Variants in CSMD1 observed in about 807,000 individuals in gnomAD.
CSMD1 encodes CUB and sushi domain-containing protein 1.
In CSMD1, 213 loss-of-function variants were observed where a neutral mutation model predicts 417.5. The observed-to-expected ratio is 0.51, with a 90% CI of 0.46 to 0.57. The LOEUF (loss-of-function observed/expected upper bound fraction) is 0.57. Among genes scored for constraint, CSMD1 ranks in the 20% least tolerant of loss-of-function variants. The probability of loss-of-function intolerance (pLI) is 0.00; values close to 1 mark genes in which losing one functional copy is unlikely to be tolerated. For synonymous variants in CSMD1, 2,862 were observed against 1,736.8 expected (o/e 1.65, Z -16.11); for missense variants, 6,923 against 4,529.7 (o/e 1.53, Z -15.17).
At chr8:3,422,434 G>T (rs547008881) in intron 12 of CSMD1, among the ~76,000 whole-genome samples, 9 of 152,082 alleles carry the variant, frequency 5.9e-5, no homozygotes, top group Admixed American at 2.6e-4. Flanking sequence ...AATGCCTATT[G>T]AAAGAATCTT....
In CSMD1 at chr8:4,638,565, G is replaced by C. The variant is rs948263888; in HGVS notation, c.86-1007C>G. Among the ~76,000 whole-genome samples the C allele has an allele frequency of 2.0e-5, 3 of 152,284 alleles. No homozygotes were observed. The East Asian group carries it at 5.8e-4, about 29-fold the overall frequency. ...TCACACAGGCAGGACTTAGGAGGTG[G>C]AGCAGAAAGGAAGGTGTACCACAAA... On this transcript the variant is annotated intron_variant, in intron 1 of 69. Coordinates refer to ENST00000635120, the MANE Select transcript of CSMD1 (RefSeq NM_033225.6).
Position 3,493,833 on chromosome 8 carries a change from C to T in CSMD1, c.1345-107G>A, listed in dbSNP as rs866538582. On this transcript the variant is annotated intron_variant, in intron 10 of 69. Coordinates refer to ENST00000635120, the MANE Select transcript of CSMD1 (RefSeq NM_033225.6). Reference sequence around the variant, plus strand: ...TACTGTTAAATTTTGCTCCTTAATGCCAATGTCAAATGATCCCAGAGCTGC... The same window carrying T: ...TACTGTTAAATTTTGCTCCTTAATGTCAATGTCAAATGATCCCAGAGCTGC... 32 of 802,208 alleles carry T rather than the reference C, an allele frequency of 4.0e-5. No individual in the cohort carries two copies. The Middle Eastern group carries it at 2.3e-3, about 58-fold the overall frequency. The allele number at this position is 802,208 out of a possible 1,614,324, so 49.7% of individuals were successfully genotyped here. A position where few individuals can be genotyped will look rare whatever the true frequency, so the allele number is the denominator to read the frequency against.
At chr8:4,453,022 A>T (rs181512895) in intron 2 of CSMD1, among the ~76,000 whole-genome samples, 2 of 152,264 alleles carry the variant, frequency 1.3e-5, no homozygotes, top group East Asian at 1.9e-4. Flanking sequence ...AATACAATTT[A>T]AGGGACAACT....
intron 5 of CSMD1, among the ~76,000 whole-genome samples, chr8:3,997,514 T>C (rs565014413): frequency 6.6e-6 from 1 of 152,318 alleles, no homozygotes; most frequent in East Asian, 1.9e-4. Flanking sequence ...CAATCATATA[T>C]CTGCAGCAGT....
At chr8:4,506,159 G>A (rs1021664265) in intron 2 of CSMD1, among the ~76,000 whole-genome samples, 2 of 152,092 alleles carry the variant, frequency 1.3e-5, no homozygotes, top group African/African-American at 4.8e-5. Flanking sequence ...TGGTGCAAAA[G>A]TAATTGCGGT....
chr8:3,242,510 C>T (rs1294614469), intron 26 of CSMD1, among the ~76,000 whole-genome samples: 1 of 152,092 alleles, frequency 6.6e-6, no homozygotes, highest in Non-Finnish European at 1.5e-5. Flanking sequence ...TTATTTAGAT[C>T]TTGCAGGGTG....
At chr8:3,856,977 T>C (rs974090064) in intron 5 of CSMD1, among the ~76,000 whole-genome samples, 1 of 152,134 alleles carries the variant, frequency 6.6e-6, no homozygotes, top group Non-Finnish European at 1.5e-5. Flanking sequence ...AATTTGGAAT[T>C]TTTTTTATTT....
chr8:4,394,105 A>G (rs1234664363), intron 3 of CSMD1, among the ~76,000 whole-genome samples: 74 of 152,308 alleles, frequency 4.9e-4, no homozygotes, highest in Non-Finnish European at 2.9e-5. Context: ...AGCACTAACG[A>G]TTAATTTTCC....
At chr8:3,387,890 C>T (rs981312287) in intron 17 of CSMD1, among the ~76,000 whole-genome samples, 2 of 152,176 alleles carry the variant, frequency 1.3e-5, no homozygotes, top group Admixed American at 6.5e-5. Context: ...TATTGTTATG[C>T]TGTTTACCAG....
intron 6 of CSMD1, among the ~76,000 whole-genome samples, chr8:3,719,544 G>C (rs1802028320): frequency 6.6e-6 from 1 of 152,164 alleles, no homozygotes. Flanking sequence ...ATTAACTTCA[G>C]TGACTTCTTT....
At chr8:2,969,045 G>C (rs1434768731) in intron 57 of CSMD1, among the ~76,000 whole-genome samples, 1 of 152,092 alleles carries the variant, frequency 6.6e-6, no homozygotes, top group Admixed American at 6.5e-5. Context: ...AAATAGATGT[G>C]AATATCTGCT....
In CSMD1 at chr8:4,558,028, G is replaced by C. The variant is rs1453295205; in HGVS notation, c.302+79314C>G. On this transcript the variant is annotated intron_variant, in intron 2 of 69. Transcript: ENST00000635120. ...ACTGACCCAAAATACAGACCACTGA[G>C]CTATGGCTAACAATGCCTTATGTCA... Among the ~76,000 whole-genome samples the C allele has an allele frequency of 2.0e-5, 3 of 152,278 alleles. No homozygotes were observed. The East Asian group carries it at 5.8e-4, about 29-fold the overall frequency.
chr8:4,844,138 A>C (rs1024418045), intron 1 of CSMD1, among the ~76,000 whole-genome samples: 1 of 152,172 alleles, frequency 6.6e-6, no homozygotes, highest in African/African-American at 2.4e-5. Flanking sequence ...TTTACAAATC[A>C]TATTTTTTCA....
In CSMD1 at chr8:3,857,957, T is replaced by A. The variant is rs561717747; in HGVS notation, c.819-103915A>T. 2.0e-5 allele frequency among the ~76,000 whole-genome samples: 3 copies of A among 152,242 alleles called. No individual in the cohort carries two copies. In the South Asian group the frequency reaches 6.2e-4, roughly 31 times the overall value. On this transcript the variant is annotated intron_variant, in intron 5 of 69. Coordinates refer to ENST00000635120, the MANE Select transcript of CSMD1 (RefSeq NM_033225.6). ...ATCAAATAAAGCCTACACTGCATGG[T>A]GACTTCTCTGTATAAAATTGTTCGG...
At position 4,881,642 on chromosome 8, in the gene CSMD1, T is replaced by C. The variant is rs114264552; in HGVS notation, c.85+112690A>G. The stretch of plus-strand genomic sequence containing the variant: ...TTTCTTAAATTTGGAAATAAAAAAC[T>C]ATGCAAAGTTTTAAATACATAAAGA... On this transcript the variant is annotated intron_variant, in intron 1 of 69. Coordinates refer to ENST00000635120, the MANE Select transcript of CSMD1 (RefSeq NM_033225.6). 5.5e-3 allele frequency among the ~76,000 whole-genome samples: 843 copies of C among 151,954 alleles called. 15 individuals carry two copies. The highest frequency in any genetic ancestry group is 0.019 in the African/African-American group (788 of 41,362).
intron 3 of CSMD1, among the ~76,000 whole-genome samples, chr8:4,378,730 G>A (rs547766811): frequency 2.3e-4 from 35 of 152,170 alleles, no homozygotes; most frequent in Non-Finnish European, 4.9e-4. Context: ...TAGAAGGTGA[G>A]GCCTTTGGGA....
chr8:3,951,253 G>C (rs879514491), intron 5 of CSMD1, among the ~76,000 whole-genome samples: 2 of 152,148 alleles, frequency 1.3e-5, no homozygotes, highest in Admixed American at 6.5e-5. Flanking sequence ...CGGTGACTGA[G>C]GCCAGAGTGG....
chr8:4,689,177 T>C (rs1584948135), intron 1 of CSMD1, among the ~76,000 whole-genome samples: 1 of 152,198 alleles, frequency 6.6e-6, no homozygotes, highest in African/African-American at 2.4e-5. Context: ...AATCTGGAAA[T>C]TTCAATAGGT....
intron 3 of CSMD1, among the ~76,000 whole-genome samples, chr8:4,373,550 G>A (rs1277056020): frequency 2.6e-5 from 4 of 152,122 alleles, no homozygotes; most frequent in East Asian, 1.9e-4. Flanking sequence ...CTTCTATTAC[G>A]TACTCAACTC....
Sources: allele counts gnomAD v4.1 joint callset (sites outside exome capture counted in the v4.1 genomes callset), GRCh38; gene constraint gnomAD v4.1.1; transcripts MANE v1.5; gene names NCBI Gene and HGNC (gene_info 2026-07-23, HGNC 2026-07-21).